CHRM3: variants seen among roughly 807,000 people sequenced by gnomAD.
CHRM3 encodes cholinergic receptor muscarinic 3, also known as muscarinic acetylcholine receptor M3.
Under a neutral mutation model 41.8 loss-of-function variants are expected in CHRM3, and 11 were observed. That is an observed-to-expected ratio of 0.26 (90% CI 0.17 to 0.44). The LOEUF is 0.44. CHRM3 is among the 20% of genes least tolerant of loss of function. CHRM3 has a pLI of 1.00. For missense variants in CHRM3, 571 were observed against 745.4 expected (o/e 0.77, Z 2.72); for synonymous variants, 297 against 301.4 (o/e 0.99, Z 0.15).
chr1:239,887,544 A>G (rs919491744), intron 6 of CHRM3, among the ~76,000 whole-genome samples: 2 of 152,208 alleles, frequency 1.3e-5, no homozygotes, highest in Non-Finnish European at 2.9e-5. Flanking sequence ...TTGAAAGCTA[A>G]TTAAACCTTC....
chr1:239,408,314 G>A (rs558445849), intron 1 of CHRM3: 40 of 152,212 alleles, frequency 2.6e-4, no homozygotes, highest in African/African-American at 9.4e-4. Context: ...TCTCCTTGGA[G>A]ATCGAGACCA....
At chr1:239,496,254 A>G (rs1278079471) in intron 2 of CHRM3, among the ~76,000 whole-genome samples, 1 of 152,010 alleles carries the variant, frequency 6.6e-6, no homozygotes, top group Non-Finnish European at 1.5e-5. Flanking sequence ...GATATTATGA[A>G]CCCCATTTTA....
intron 1 of CHRM3, among the ~76,000 whole-genome samples, chr1:239,479,190 C>CCACACACACACACACACA (rs56202845): frequency 5.7e-5 from 8 of 139,888 alleles, no homozygotes; most frequent in African/African-American, 2.2e-4. Context: ...TTTCAAAAAA[C>CCACACACACACACACACA]CACACACACA....
rs1346707707 is a variant in CHRM3, at chr1:239,516,061, C to T, written c.-422+23254C>T. On this transcript the variant is annotated intron_variant, in intron 2 of 6. Transcript: ENST00000676153. ...TTTCTCTCTCTCTGTCTCTTTCTCG[C>T]TCTCTCTCATCTAGATTGCCAGAAA... is the stretch of plus-strand genomic sequence containing the variant. Among the ~76,000 whole-genome samples, 7 of 152,230 alleles carry T rather than the reference C, an allele frequency of 4.6e-5. No individual in the cohort carries two copies. The South Asian group carries it at 1.5e-3, about 32-fold the overall frequency.
chr1:239,725,971 A>G (rs1663400514), intron 5 of CHRM3, among the ~76,000 whole-genome samples: 2 of 151,942 alleles, frequency 1.3e-5, no homozygotes, highest in Non-Finnish European at 1.5e-5. Context: ...CTTGTATATT[A>G]TAGCACAGAG....
At chr1:239,694,652 T>C (rs929854485) in intron 5 of CHRM3, among the ~76,000 whole-genome samples, 2 of 152,152 alleles carry the variant, frequency 1.3e-5, no homozygotes, top group East Asian at 3.9e-4. Flanking sequence ...AGCTTAAAAA[T>C]CAAAGGGATT....
chr1:239,507,203 GA>G (rs1257541126), intron 2 of CHRM3, among the ~76,000 whole-genome samples: 1 of 152,170 alleles, frequency 6.6e-6, no homozygotes, highest in African/African-American at 2.4e-5. Flanking sequence ...GCCAGGTGTG[GA>G]ATGATATGGT....
chr1:239,537,656 A>G (rs1303816639), intron 2 of CHRM3, among the ~76,000 whole-genome samples: 1 of 152,126 alleles, frequency 6.6e-6, no homozygotes, highest in Non-Finnish European at 1.5e-5. Context: ...GATTGCTTTT[A>G]TTTTAAGAAT....
At chr1:239,461,414 G>C (rs1310009107) in intron 1 of CHRM3, among the ~76,000 whole-genome samples, 3 of 151,980 alleles carry the variant, frequency 2.0e-5, no homozygotes. Context: ...ATTTAAAGAT[G>C]ACAAAATTTG....
At chr1:239,450,551 T>A (rs1390392947) in intron 1 of CHRM3, among the ~76,000 whole-genome samples, 1 of 152,206 alleles carries the variant, frequency 6.6e-6, no homozygotes, top group Admixed American at 6.5e-5. Context: ...TTTTGGCCAT[T>A]GGGGCTGCTT....
intron 2 of CHRM3, among the ~76,000 whole-genome samples, chr1:239,545,375 C>T (rs1381247861): frequency 2.0e-5 from 3 of 152,058 alleles, no homozygotes; most frequent in South Asian, 2.1e-4. Context: ...GTACAATGTA[C>T]GCTACTTGGG....
intron 5 of CHRM3, among the ~76,000 whole-genome samples, chr1:239,790,152 A>G (rs1669225697): frequency 6.6e-6 from 1 of 152,150 alleles, no homozygotes; most frequent in Non-Finnish European, 1.5e-5. Context: ...GGCAGAAGGA[A>G]CTTGTCTTGT....
intron 3 of CHRM3, among the ~76,000 whole-genome samples, chr1:239,576,704 G>A (rs1662393258): frequency 6.6e-6 from 1 of 151,876 alleles, no homozygotes; most frequent in South Asian, 2.1e-4. Context: ...AGGATCATGT[G>A]AGACCTGGAG....
At chr1:239,768,613 A>G (rs1469708617) in intron 5 of CHRM3, among the ~76,000 whole-genome samples, 1 of 152,020 alleles carries the variant, frequency 6.6e-6, no homozygotes, top group Non-Finnish European at 1.5e-5. Flanking sequence ...TTTTTCCTTC[A>G]TCTGATAGTT....
At chr1:239,478,603 C>A (rs1666615939) in intron 1 of CHRM3, among the ~76,000 whole-genome samples, 1 of 151,952 alleles carries the variant, frequency 6.6e-6, no homozygotes, top group Non-Finnish European at 1.5e-5. Context: ...AAATATTAGA[C>A]TCAAAAATAT....
chr1:239,571,167 G>T (rs555791886), intron 3 of CHRM3, among the ~76,000 whole-genome samples: 1 of 152,154 alleles, frequency 6.6e-6, no homozygotes, highest in Non-Finnish European at 1.5e-5. Flanking sequence ...GTGGCTGCCA[G>T]TTAAAAAGGT....
At chr1:239,827,469 G>A (rs957036223) in intron 6 of CHRM3, 91 bp downstream of exon 6, 1 of 152,158 alleles carries the variant, frequency 6.6e-6, no homozygotes, top group Admixed American at 6.5e-5. Flanking sequence ...GGCCACTGTT[G>A]ATTAGTTACG....
intron 6 of CHRM3, among the ~76,000 whole-genome samples, chr1:239,896,383 T>G (rs1453305484): frequency 6.6e-6 from 1 of 152,236 alleles, no homozygotes; most frequent in African/African-American, 2.4e-5. Flanking sequence ...AACAAGTGGT[T>G]TTCCAGAACA....
chr1:239,736,041 T>G (rs565060229), intron 5 of CHRM3, among the ~76,000 whole-genome samples: 1 of 152,226 alleles, frequency 6.6e-6, no homozygotes. Flanking sequence ...TAAGGAGAAC[T>G]AAACCCACCC....
Sources: allele counts gnomAD v4.1 joint callset (sites outside exome capture counted in the v4.1 genomes callset), GRCh38; gene constraint gnomAD v4.1.1; transcripts MANE v1.5; gene names NCBI Gene and HGNC (gene_info 2026-07-23, HGNC 2026-07-21).